GNAQ: variants seen among roughly 807,000 people sequenced by gnomAD.
GNAQ encodes the protein guanine nucleotide-binding protein G(q) subunit alpha.
In GNAQ, 8 loss-of-function variants were observed where a neutral mutation model predicts 43.9. The observed-to-expected ratio is 0.18, with a 90% CI of 0.11 to 0.33. The LOEUF (loss-of-function observed/expected upper bound fraction) is 0.33, where lower values mean the gene tolerates loss of function less well. Among genes scored for constraint, GNAQ ranks in the 10% least tolerant of loss-of-function variants. The pLI is 1.00. For synonymous variants in GNAQ, 155 were observed against 170.7 expected, an observed-to-expected ratio of 0.91 and a Z score of 0.71; for missense variants, 158 against 450.8, an observed-to-expected ratio of 0.35 and a Z score of 5.88.
rs1480852451 is a variant in GNAQ at position 77,847,824 on chromosome 9, AAGCTGTGTGCCTTGGTT to A, written c.322-32071_322-32055del. Among the ~76,000 whole-genome samples the A allele has an allele frequency of 4.6e-5, 7 of 152,288 alleles. No homozygotes were observed. The East Asian group carries it at 1.4e-3, about 29-fold the overall frequency. On this transcript the variant is annotated intron_variant, in intron 2 of 6. Coordinates refer to ENST00000286548, the MANE Select transcript of GNAQ (RefSeq NM_002072.5). ...GGAACCAGTCAGCATTCTGCTCACC[AAGCTGTGTGCCTTGGTT>A]AGTCACTAAGAAGCACCTTTGTGTA...
At chr9:77,860,417 G>A (rs1421057961) in intron 2 of GNAQ, among the ~76,000 whole-genome samples, 1 of 152,162 alleles carries the variant, frequency 6.6e-6, no homozygotes, top group East Asian at 1.9e-4. Flanking sequence ...CACCCCAGGG[G>A]GTATTCTGTT....
intron 2 of GNAQ, among the ~76,000 whole-genome samples, chr9:77,869,098 A>G (rs1827995556): frequency 6.6e-6 from 1 of 152,180 alleles, no homozygotes; most frequent in Non-Finnish European, 1.5e-5. Flanking sequence ...CTGTCGCTCC[A>G]CTGTCTTTGT....
chr9:77,929,120 A>G (rs948983406), intron 1 of GNAQ, among the ~76,000 whole-genome samples: 1 of 152,240 alleles, frequency 6.6e-6, no homozygotes, highest in Non-Finnish European at 1.5e-5. Context: ...CAGGAAGTTT[A>G]TGTGAATTTT....
intron 2 of GNAQ, among the ~76,000 whole-genome samples, chr9:77,885,331 G>A (rs1472898117): frequency 2.0e-5 from 3 of 152,136 alleles, no homozygotes; most frequent in Non-Finnish European, 1.5e-5. Context: ...GTGAAAATGA[G>A]GATGCAAGCA....
At chr9:77,996,677 C>CAAAAAAAAAAAA (rs3083223) in intron 1 of GNAQ, among the ~76,000 whole-genome samples, 1 of 105,584 alleles carries the variant, frequency 9.5e-6, no homozygotes, top group Non-Finnish European at 1.9e-5. Context: ...GACTCCATCT[C>CAAAAAAAAAAAA]AAAAAAAAAA....
At chr9:77,962,217 TAGA>T (rs1402251819) in intron 1 of GNAQ, among the ~76,000 whole-genome samples, 3 of 152,106 alleles carry the variant, frequency 2.0e-5, no homozygotes, top group Non-Finnish European at 2.9e-5. Flanking sequence ...ATTTGAGTAC[TAGA>T]AGAAGAGAGA....
chr9:77,967,929 G>A (rs58546182), intron 1 of GNAQ, among the ~76,000 whole-genome samples: 1,563 of 152,178 alleles, frequency 0.01, 18 homozygotes, highest in Non-Finnish European at 0.014. Flanking sequence ...GCAGTGAACC[G>A]AGATCATACC....
At chr9:77,916,478 G>T (rs1472781173) in intron 2 of GNAQ, among the ~76,000 whole-genome samples, 2 of 152,126 alleles carry the variant, frequency 1.3e-5, no homozygotes, top group African/African-American at 4.8e-5. Context: ...ATGAAAAATG[G>T]CTTCTGGGAC....
intron 2 of GNAQ, among the ~76,000 whole-genome samples, chr9:77,865,690 G>A (rs757031284): frequency 3.9e-5 from 6 of 152,144 alleles, no homozygotes; most frequent in African/African-American, 9.7e-5. Flanking sequence ...TCTCTGTCCC[G>A]TGGCAAGTCA....
At chr9:77,848,472 G>A (rs77439604) in intron 2 of GNAQ, among the ~76,000 whole-genome samples, 2,004 of 152,326 alleles carry the variant, frequency 0.013, 31 homozygotes, top group African/African-American at 0.039. Context: ...GCATCTCTGA[G>A]GCAGCAATTC....
At chr9:77,911,561 C>A (rs927622805) in intron 2 of GNAQ, among the ~76,000 whole-genome samples, 7 of 152,162 alleles carry the variant, frequency 4.6e-5, no homozygotes, top group African/African-American at 1.7e-4. Context: ...TCATATTGAG[C>A]CACACGAATT....
intron 1 of GNAQ, among the ~76,000 whole-genome samples, chr9:77,979,711 A>C (rs1439146021): frequency 6.6e-6 from 1 of 152,216 alleles, no homozygotes; most frequent in Non-Finnish European, 1.5e-5. Context: ...TATGATACTA[A>C]GATACTTTCA....
chr9:77,976,047 C>A (rs1216597536), intron 1 of GNAQ, among the ~76,000 whole-genome samples: 2 of 152,144 alleles, frequency 1.3e-5, no homozygotes, highest in Non-Finnish European at 2.9e-5. Context: ...TATGTTATGC[C>A]AGTTGCTAGC....
intron 3 of GNAQ, among the ~76,000 whole-genome samples, chr9:77,798,740 G>C (rs1462085438): frequency 1.3e-5 from 2 of 152,192 alleles, no homozygotes; most frequent in Admixed American, 6.5e-5. Flanking sequence ...CTGTTATACT[G>C]TAGTGTGTAG....
intron 5 of GNAQ, among the ~76,000 whole-genome samples, chr9:77,769,977 T>C (rs1490779238): frequency 6.6e-6 from 1 of 152,048 alleles, no homozygotes; most frequent in Non-Finnish European, 1.5e-5. Flanking sequence ...AGACAAGAAC[T>C]CTTAGTGGGG....
chr9:77,743,183 G>C (rs568145460), intron 5 of GNAQ, among the ~76,000 whole-genome samples: 1 of 152,092 alleles, frequency 6.6e-6, no homozygotes, highest in Non-Finnish European at 1.5e-5. Context: ...GCTTGAACCC[G>C]GGAGGCGGAG....
intron 3 of GNAQ, 32 bp from the exon 4 acceptor site, chr9:77,797,680 GT>G: frequency 6.2e-7 from 1 of 1,607,486 alleles, no homozygotes; most frequent in South Asian, 1.1e-5. Context: ...GAGAATGTCA[GT>G]GACACCATCA....
intron 1 of GNAQ, among the ~76,000 whole-genome samples, chr9:77,944,503 CT>C (rs1171794327): frequency 1.3e-5 from 2 of 152,150 alleles, no homozygotes; most frequent in Non-Finnish European, 2.9e-5. Flanking sequence ...CTCCACCAAA[CT>C]TACCATTCAG....
chr9:77,862,536 G>C (rs1827871167), intron 2 of GNAQ, among the ~76,000 whole-genome samples: 1 of 152,144 alleles, frequency 6.6e-6, no homozygotes, highest in Non-Finnish European at 1.5e-5. Context: ...GGAGCAGCTG[G>C]GCCACAGGGC....
Sources: allele counts gnomAD v4.1 joint callset (sites outside exome capture counted in the v4.1 genomes callset), GRCh38; gene constraint gnomAD v4.1.1; transcripts MANE v1.5; gene names NCBI Gene and HGNC (gene_info 2026-07-23, HGNC 2026-07-21).